The following EYS variants were observed in gnomAD, a reference collection of about 807,000 sequenced individuals.
EYS encodes protein eyes shut homolog.
EYS carries 250 observed loss-of-function variants against 282.1 expected under a neutral mutation model. The ratio of observed to expected loss-of-function variants is 0.89; its 90% CI spans 0.80 to 0.98. The LOEUF (loss-of-function observed/expected upper bound fraction) is 0.98. EYS is among the 50% of genes least tolerant of loss of function. The pLI is 0.00. For missense variants in EYS, 4,016 were observed against 3,709.0 expected, an observed-to-expected ratio of 1.08 and a Z score of -2.15; for synonymous variants, 1,355 against 1,282.9, an observed-to-expected ratio of 1.06 and a Z score of -1.20.
At chr6:64,766,683 T>TATATATATATAA (rs1250908125) in intron 22 of EYS, among the ~76,000 whole-genome samples, 2 of 111,316 alleles carry the variant, frequency 1.8e-5, no homozygotes, top group African/African-American at 3.4e-5. Flanking sequence ...TATATATATA[T>TATATATATATAA]AAAATCTAAC....
At chr6:63,730,508 A>ATGCATAT (rs1768755841) in intron 41 of EYS, among the ~76,000 whole-genome samples, 1 of 152,198 alleles carries the variant, frequency 6.6e-6, no homozygotes, top group South Asian at 2.1e-4. Flanking sequence ...CATAACCCCA[A>ATGCATAT]GGGGAAGTCA....
intron 2 of EYS, among the ~76,000 whole-genome samples, chr6:65,603,694 C>T (rs1765686805): frequency 3.9e-5 from 6 of 151,960 alleles, no homozygotes; most frequent in Admixed American, 3.9e-4. Flanking sequence ...CCAGAGCTTT[C>T]TTAATGAGCA....
At chr6:63,957,259 T>C (rs1404540913) in intron 35 of EYS, among the ~76,000 whole-genome samples, 1 of 140,246 alleles carries the variant, frequency 7.1e-6, no homozygotes, top group Non-Finnish European at 1.6e-5. Context: ...TGTAAAAAAA[T>C]GTGGCTTCAC....
At chr6:64,442,061 G>A (rs758039753) in intron 26 of EYS, among the ~76,000 whole-genome samples, 1 of 152,206 alleles carries the variant, frequency 6.6e-6, no homozygotes, top group African/African-American at 2.4e-5. Context: ...ATGTGGGAAA[G>A]TTTGGAATTC....
intron 2 of EYS, among the ~76,000 whole-genome samples, chr6:65,537,521 C>CAT (rs1443364065): frequency 8.1e-6 from 1 of 124,180 alleles, no homozygotes. Flanking sequence ...ATAACATGCA[C>CAT]ACACACACAT....
At chr6:65,492,207 A>T (rs1341384282) in intron 4 of EYS, among the ~76,000 whole-genome samples, 1 of 152,204 alleles carries the variant, frequency 6.6e-6, no homozygotes, top group African/African-American at 2.4e-5. Context: ...TGGCAAATGG[A>T]GTATTCTTAA....
intron 22 of EYS, among the ~76,000 whole-genome samples, chr6:64,792,797 C>T (rs1261306590): frequency 6.6e-6 from 1 of 151,476 alleles, no homozygotes; most frequent in African/African-American, 2.4e-5. Context: ...TTCTGTCTCC[C>T]TGTTTCGGTC....
intron 26 of EYS, among the ~76,000 whole-genome samples, chr6:64,496,406 A>C (rs1308137046): frequency 6.6e-6 from 1 of 151,950 alleles, no homozygotes; most frequent in Non-Finnish European, 1.5e-5. Flanking sequence ...TTTATACTGT[A>C]AACCTAGTAG....
At chr6:65,676,242 C>T (rs1035426950) in intron 1 of EYS, among the ~76,000 whole-genome samples, 4 of 151,038 alleles carry the variant, frequency 2.6e-5, no homozygotes, top group Non-Finnish European at 5.9e-5. Context: ...AGAGCAGAAA[C>T]AAATAGAAAA....
At chr6:64,371,532 T>C (rs989513952) in intron 29 of EYS, among the ~76,000 whole-genome samples, 2 of 152,122 alleles carry the variant, frequency 1.3e-5, no homozygotes, top group Non-Finnish European at 2.9e-5. Flanking sequence ...ATTAGGTCTA[T>C]TTGGTCAAGT....
At chr6:65,152,122 A>G (rs1378647554) in intron 12 of EYS, among the ~76,000 whole-genome samples, 2 of 151,960 alleles carry the variant, frequency 1.3e-5, no homozygotes, top group African/African-American at 2.4e-5. Flanking sequence ...AGTTGCACCC[A>G]TTGCCTCATG....
chr6:65,160,521 T>C (rs28687133), intron 12 of EYS, among the ~76,000 whole-genome samples: 4,030 of 150,874 alleles, frequency 0.027, 140 homozygotes, highest in African/African-American at 0.08. Context: ...TTATCTTTTG[T>C]TTGACTACTT....
chr6:64,193,460 G>T (rs765265382), intron 31 of EYS, among the ~76,000 whole-genome samples: 22 of 151,972 alleles, frequency 1.4e-4, no homozygotes, highest in Non-Finnish European at 2.9e-4. Context: ...ACGGGAGCCT[G>T]CCACCATGCC....
chr6:64,649,512 G>A (rs1390784006), intron 22 of EYS, among the ~76,000 whole-genome samples: 1 of 151,990 alleles, frequency 6.6e-6, no homozygotes, highest in Non-Finnish European at 1.5e-5. Context: ...GCTAGTAGTA[G>A]AAACTTTAGT....
intron 35 of EYS, among the ~76,000 whole-genome samples, chr6:63,932,632 C>T (rs1262578207): frequency 2.6e-5 from 4 of 152,124 alleles, no homozygotes; most frequent in Non-Finnish European, 5.9e-5. Flanking sequence ...TAAAAATTCT[C>T]CTATGAAAAG....
chr6:65,699,460 C>G (rs1023189690), intron 1 of EYS, among the ~76,000 whole-genome samples: 2 of 152,056 alleles, frequency 1.3e-5, no homozygotes, highest in Admixed American at 6.6e-5. Flanking sequence ...GCAGACCTTG[C>G]TTTGAACAAG....
At chr6:63,924,472 TA>T (rs1420254328) in intron 35 of EYS, among the ~76,000 whole-genome samples, 1 of 152,240 alleles carries the variant, frequency 6.6e-6, no homozygotes, top group Non-Finnish European at 1.5e-5. Flanking sequence ...ATACATTGTT[TA>T]GAGCACAAAA....
intron 12 of EYS, among the ~76,000 whole-genome samples, chr6:65,150,148 G>A (rs1162734433): frequency 6.6e-6 from 1 of 151,918 alleles, no homozygotes; most frequent in East Asian, 1.9e-4. Flanking sequence ...GATTTGGGTG[G>A]GAGCACAGCC....
intron 33 of EYS, among the ~76,000 whole-genome samples, chr6:64,004,551 T>A (rs982820046): frequency 6.6e-6 from 1 of 152,150 alleles, no homozygotes; most frequent in Admixed American, 6.5e-5. Flanking sequence ...GATTATTTCA[T>A]CACCCAGGTA....
Sources: allele counts gnomAD v4.1 joint callset (sites outside exome capture counted in the v4.1 genomes callset), GRCh38; gene constraint gnomAD v4.1.1; transcripts MANE v1.5; gene names NCBI Gene and HGNC (gene_info 2026-07-23, HGNC 2026-07-21).